Variants in MCC observed in about 807,000 individuals in gnomAD.
MCC encodes colorectal mutant cancer protein.
A neutral mutation model predicts 116.2 loss-of-function variants in MCC; 90 were observed. The observed-to-expected ratio is 0.77, with a 90% CI of 0.65 to 0.92. MCC has a LOEUF of 0.92. Ranked by LOEUF, MCC falls within the 40% of genes least tolerant of loss-of-function variation. The probability of loss-of-function intolerance (pLI) is 0.00; values close to 1 mark genes in which losing one functional copy is unlikely to be tolerated. For synonymous variants in MCC, 578 were observed against 510.5 expected, an observed-to-expected ratio of 1.13 and a Z score of -1.78; for missense variants, 1,516 against 1,312.2, an observed-to-expected ratio of 1.16 and a Z score of -2.40.
rs150422160 is a variant in MCC, at chr5:113,217,260, T to G, written c.628-65838A>C. On this transcript the variant is annotated intron_variant, in intron 3 of 18. Transcript: ENST00000408903. Reference sequence around the variant, plus strand: ...ATTGGTTAAAAAGCACTAGTGGTGATACTAAATTGAAGCATCAACAAACTG... The same window carrying G: ...ATTGGTTAAAAAGCACTAGTGGTGAGACTAAATTGAAGCATCAACAAACTG... Among the ~76,000 whole-genome samples the G allele has an allele frequency of 7.7e-3, 1,166 of 152,350 alleles. 20 individuals carry two copies. Among genetic ancestry groups the G allele is most frequent in the African/African-American group, 0.026 (1,099 of 41,584 alleles).
At chr5:113,485,320 G>A (rs151119919) in intron 1 of MCC, among the ~76,000 whole-genome samples, 1 of 152,138 alleles carries the variant, frequency 6.6e-6, no homozygotes, top group African/African-American at 2.4e-5. Flanking sequence ...TCATGGGATG[G>A]GGGGTTTATT....
At chr5:113,086,379 C>A (rs1581026189) in intron 8 of MCC, among the ~76,000 whole-genome samples, 1 of 152,070 alleles carries the variant, frequency 6.6e-6, no homozygotes, top group Non-Finnish European at 1.5e-5. Flanking sequence ...TGTGTTTTAG[C>A]AGAAGTGTCT....
chr5:113,097,175 T>C (rs1756076001), intron 8 of MCC, among the ~76,000 whole-genome samples: 1 of 152,208 alleles, frequency 6.6e-6, no homozygotes, highest in Non-Finnish European at 1.5e-5. Flanking sequence ...AGCTGTGAGA[T>C]ACAGATCATT....
intron 1 of MCC, among the ~76,000 whole-genome samples, chr5:113,482,787 G>C (rs1286558433): frequency 6.6e-6 from 1 of 152,012 alleles, no homozygotes; most frequent in East Asian, 1.9e-4. Flanking sequence ...TTCTTTTGTA[G>C]CTTGTGCTTT....
intron 14 of MCC, among the ~76,000 whole-genome samples, chr5:113,059,185 T>C (rs1753042906): frequency 6.6e-6 from 1 of 152,108 alleles, no homozygotes; most frequent in Admixed American, 6.5e-5. Flanking sequence ...CCACAGATCT[T>C]ACCCTGTTGG....
At chr5:113,057,137 C>T (rs1015905126) in intron 14 of MCC, among the ~76,000 whole-genome samples, 33 of 152,214 alleles carry the variant, frequency 2.2e-4, no homozygotes, top group African/African-American at 7.7e-4. Context: ...CTGAAGCAGT[C>T]AGGCAGGGGA....
chr5:113,169,745 A>G (rs1760977017), intron 3 of MCC, among the ~76,000 whole-genome samples: 1 of 152,146 alleles, frequency 6.6e-6, no homozygotes. Flanking sequence ...ACCTGGGAAA[A>G]AAACAGAAAG....
At chr5:113,321,874 C>A (rs1767430318) in intron 3 of MCC, among the ~76,000 whole-genome samples, 1 of 152,070 alleles carries the variant, frequency 6.6e-6, no homozygotes, top group Admixed American at 6.6e-5. Flanking sequence ...CTGTGTTGCC[C>A]AGGCTGGAGT....
intron 3 of MCC, among the ~76,000 whole-genome samples, chr5:113,269,976 C>T (rs1459299241): frequency 1.3e-5 from 2 of 152,212 alleles, no homozygotes; most frequent in Admixed American, 6.5e-5. Flanking sequence ...AGAAGCTTAA[C>T]TGTAAACTTT....
In MCC at chr5:113,025,025, T is replaced by A. The variant is rs149263981; in HGVS notation, c.*2277A>T. 1 of 1,658 alleles carries A rather than the reference T, an allele frequency of 6.0e-4. No homozygotes were observed. The highest frequency in any genetic ancestry group is 3.0e-3 in the Admixed American group (1 of 334). 0.1% of individuals were successfully genotyped at this position (1,658 alleles called of 1,614,324 possible). On this transcript the variant is annotated 3_prime_UTR_variant, in exon 19 of 19. Coordinates refer to ENST00000408903, the MANE Select transcript of MCC (RefSeq NM_001085377.2). ...GAGCCGCCTCTGCCTGGGGGAATTC[T>A]CAGAGAAGGGGAGGTTCTCTGATTT...
chr5:113,058,468 C>A (rs1752989374), intron 14 of MCC, among the ~76,000 whole-genome samples: 1 of 152,106 alleles, frequency 6.6e-6, no homozygotes, highest in African/African-American at 2.4e-5. Flanking sequence ...TTTAATATAC[C>A]CTCTAGGTGA....
At chr5:113,236,139 A>G (rs952459271) in intron 3 of MCC, among the ~76,000 whole-genome samples, 5 of 147,966 alleles carry the variant, frequency 3.4e-5, no homozygotes, top group African/African-American at 5.3e-5. Context: ...GATCTGCAGA[A>G]TGAGTCACAC....
chr5:113,195,639 C>G (rs892310359), intron 3 of MCC, among the ~76,000 whole-genome samples: 2 of 152,148 alleles, frequency 1.3e-5, no homozygotes, highest in African/African-American at 4.8e-5. Context: ...AAGAAATGGG[C>G]TGGAAGAAAA....
At chr5:113,260,833 C>T (rs145104907) in intron 3 of MCC, among the ~76,000 whole-genome samples, 2 of 151,988 alleles carry the variant, frequency 1.3e-5, no homozygotes, top group Non-Finnish European at 2.9e-5. Context: ...AGCTGTCAAG[C>T]ACAGGGTTGC....
chr5:113,247,112 G>A (rs1263106838), intron 3 of MCC, among the ~76,000 whole-genome samples: 1 of 152,218 alleles, frequency 6.6e-6, no homozygotes, highest in Non-Finnish European at 1.5e-5. Flanking sequence ...CTTAAGACAT[G>A]ACCCCTGCCC....
At chr5:113,034,406 C>T (rs1041117380) in intron 17 of MCC, among the ~76,000 whole-genome samples, 4 of 152,180 alleles carry the variant, frequency 2.6e-5, no homozygotes, top group Admixed American at 2.6e-4. Flanking sequence ...CGTGAGCCAT[C>T]AGTAAGGAGG....
chr5:113,447,274 G>A (rs1203236222), intron 1 of MCC, among the ~76,000 whole-genome samples: 1 of 152,168 alleles, frequency 6.6e-6, no homozygotes, highest in African/African-American at 2.4e-5. Context: ...ACCTTTCTTT[G>A]GGTAGGAAGG....
chr5:113,471,946 G>A (rs562536987), intron 1 of MCC, among the ~76,000 whole-genome samples: 11 of 152,188 alleles, frequency 7.2e-5, no homozygotes, highest in South Asian at 4.1e-4. Flanking sequence ...CTCCGTGGGC[G>A]TGGGACCCTT....
intron 3 of MCC, among the ~76,000 whole-genome samples, chr5:113,179,751 G>GAT (rs1761517174): frequency 6.6e-6 from 1 of 152,162 alleles, no homozygotes; most frequent in Non-Finnish European, 1.5e-5. Context: ...ATTTTGCAAT[G>GAT]ATATACCTAG....
Sources: gnomAD v4.1 joint callset for allele counts (sites outside exome capture counted in the v4.1 genomes callset) on GRCh38, gnomAD v4.1.1 for gene constraint, MANE v1.5 for transcripts, NCBI Gene and HGNC (gene_info 2026-07-23, HGNC 2026-07-21) for gene names.